DLG1: variants seen among roughly 807,000 people sequenced by gnomAD.
DLG1 encodes the protein disks large homolog 1.
Under a neutral mutation model 123.4 loss-of-function variants are expected in DLG1, and 42 were observed. That is an observed-to-expected ratio of 0.34 (90% CI 0.27 to 0.44). The LOEUF (loss-of-function observed/expected upper bound fraction) is 0.44, where lower values mean the gene tolerates loss of function less well. Among genes scored for constraint, DLG1 ranks in the 20% least tolerant of loss-of-function variants. The pLI is 1.00. For synonymous variants in DLG1, 317 were observed against 356.2 expected (o/e 0.89, Z 1.24); for missense variants, 942 against 1,082.6 (o/e 0.87, Z 1.82).
chr3:197,082,380 C>CA (rs200034267), intron 16 of DLG1, among the ~76,000 whole-genome samples: 307 of 143,886 alleles, frequency 2.1e-3, no homozygotes, highest in South Asian at 5.7e-3. Flanking sequence ...CCACCCCAAA[C>CA]AAAAAAAAAA....
chr3:197,237,745 G>A (rs540303915), intron 4 of DLG1, among the ~76,000 whole-genome samples: 2 of 152,250 alleles, frequency 1.3e-5, no homozygotes, highest in African/African-American at 2.4e-5. Context: ...GTCAGGAGAC[G>A]GGATTTTCCC....
At chr3:197,255,785 AAAAG>A (rs1478011078) in intron 4 of DLG1, among the ~76,000 whole-genome samples, 4 of 152,172 alleles carry the variant, frequency 2.6e-5, no homozygotes, top group Non-Finnish European at 5.9e-5. Context: ...AAAAAAAAAA[AAAAG>A]ATTATCTCTG....
chr3:197,093,201 C>G (rs1758719851), intron 14 of DLG1, among the ~76,000 whole-genome samples: 2 of 151,958 alleles, frequency 1.3e-5, no homozygotes, highest in African/African-American at 2.4e-5. Flanking sequence ...ACTCTGTCAC[C>G]AGGCTGGAGT....
chr3:197,280,938 G>A (rs1181639331), intron 4 of DLG1, among the ~76,000 whole-genome samples: 1 of 151,920 alleles, frequency 6.6e-6, no homozygotes, highest in Non-Finnish European at 1.5e-5. Flanking sequence ...CCAGGTATCT[G>A]ATCTGGTAAG....
chr3:197,103,272 G>A (rs1017532967), intron 14 of DLG1, among the ~76,000 whole-genome samples: 3 of 152,102 alleles, frequency 2.0e-5, no homozygotes, highest in Non-Finnish European at 4.4e-5. Context: ...GAGCATGCGT[G>A]TATGTTTTGT....
At chr3:197,260,666 T>A (rs1443148511) in intron 4 of DLG1, among the ~76,000 whole-genome samples, 1 of 136,794 alleles carries the variant, frequency 7.3e-6, no homozygotes, top group Non-Finnish European at 1.5e-5. Context: ...TCTGATGAAA[T>A]GCTCCACAAA....
chr3:197,129,927 C>G (rs1344899057), intron 11 of DLG1, among the ~76,000 whole-genome samples: 1 of 151,968 alleles, frequency 6.6e-6, no homozygotes, highest in Non-Finnish European at 1.5e-5. Context: ...GACTAGTGAT[C>G]ACATATTACT....
At chr3:197,289,103 G>A (rs566446440) in intron 3 of DLG1, among the ~76,000 whole-genome samples, 8 of 152,228 alleles carry the variant, frequency 5.3e-5, no homozygotes, top group South Asian at 4.2e-4. Flanking sequence ...CAGTTGCTTC[G>A]TCTAGGGCTC....
chr3:197,108,545 T>C (rs1370578906), intron 13 of DLG1, among the ~76,000 whole-genome samples: 1 of 152,132 alleles, frequency 6.6e-6, no homozygotes, highest in Non-Finnish European at 1.5e-5. Context: ...TAGAAATGTA[T>C]TGGTAATTAG....
chr3:197,058,505 T>C (rs1482446182), intron 23 of DLG1, among the ~76,000 whole-genome samples: 3 of 152,240 alleles, frequency 2.0e-5, no homozygotes, highest in African/African-American at 2.4e-5. Flanking sequence ...AGCATAATGC[T>C]TAATTTCCAA....
intron 3 of DLG1, among the ~76,000 whole-genome samples, chr3:197,288,497 G>A (rs59250568): frequency 0.14 from 21,539 of 150,948 alleles, 2,134 homozygotes; most frequent in African/African-American, 0.28. Flanking sequence ...TGAGGCGGGC[G>A]GATCACCTGA....
chr3:197,227,335 C>A (rs183519243), intron 4 of DLG1, among the ~76,000 whole-genome samples: 1 of 151,866 alleles, frequency 6.6e-6, no homozygotes, highest in Non-Finnish European at 1.5e-5. Flanking sequence ...ATTAGCCAGG[C>A]GTGGTGGTAC....
chr3:197,142,873 C>G, intron 6 of DLG1, 105 bp from the exon 7 acceptor site: 1 of 791,202 alleles, frequency 1.3e-6, no homozygotes, highest in Non-Finnish European at 2.1e-6. Flanking sequence ...TTGAATGCGA[C>G]AGTAATCAAA....
At chr3:197,292,508 A>G (rs576772424) in intron 3 of DLG1, among the ~76,000 whole-genome samples, 1 of 152,226 alleles carries the variant, frequency 6.6e-6, no homozygotes. Flanking sequence ...TTGCAAGACG[A>G]AAGTGTTCTG....
chr3:197,245,856 A>AT (rs1243553616), intron 4 of DLG1, among the ~76,000 whole-genome samples: 21 of 106,634 alleles, frequency 2.0e-4, no homozygotes, highest in African/African-American at 7.7e-4. Flanking sequence ...TTTAAAAGAG[A>AT]TTTTTTTTGA....
intron 11 of DLG1, 91 bp from the exon 12 acceptor site, chr3:197,119,621 A>T (rs1275053310): frequency 9.2e-6 from 11 of 1,199,630 alleles, no homozygotes; most frequent in Admixed American, 2.9e-5. Flanking sequence ...ATTTATATGC[A>T]CTCCTTTATA....
chr3:197,233,003 C>A (rs142007797), intron 4 of DLG1, among the ~76,000 whole-genome samples: 89 of 151,770 alleles, frequency 5.9e-4, no homozygotes, highest in Non-Finnish European at 1.0e-3. Flanking sequence ...TGTAATCAGG[C>A]AAGAAAAATA....
At chr3:197,286,919 TCTCA>T in intron 3 of DLG1, among the ~76,000 whole-genome samples, 1 of 150,326 alleles carries the variant, frequency 6.7e-6, no homozygotes. Flanking sequence ...AGAGACAGAG[TCTCA>T]CTCTGTCACT....
chr3:197,175,833 G>A (rs951131028), intron 5 of DLG1, among the ~76,000 whole-genome samples: 22 of 152,234 alleles, frequency 1.4e-4, no homozygotes, highest in African/African-American at 4.1e-4. Context: ...CAATTCTCAT[G>A]CAAACAAACA....
Sources: allele counts gnomAD v4.1 joint callset (sites outside exome capture counted in the v4.1 genomes callset), GRCh38; gene constraint gnomAD v4.1.1; transcripts MANE v1.5; gene names NCBI Gene and HGNC (gene_info 2026-07-23, HGNC 2026-07-21).